Variants in KLF5 observed in about 807,000 individuals in gnomAD.
KLF5 encodes the protein KLF transcription factor 5.
KLF5 carries 9 observed loss-of-function variants against 36.9 expected under a neutral mutation model. That is an observed-to-expected ratio of 0.24 (90% CI 0.15 to 0.43). The LOEUF is 0.43. KLF5 is among the 20% of genes least tolerant of loss of function. KLF5 has a pLI of 1.00. For missense variants in KLF5, 524 were observed against 599.5 expected, an observed-to-expected ratio of 0.87 and a Z score of 1.31; for synonymous variants, 246 against 241.7, an observed-to-expected ratio of 1.02 and a Z score of -0.17.
Position 73,067,714 on chromosome 13 carries a change from C to CG in KLF5, c.1195+3831_1195+3832insG, listed in dbSNP as rs528555006. ...AGACCCAGACTCCATGCATTGGACT[C>CG]TGTGTGTACTAAGTGATCCCAGAGT... is the stretch of plus-strand genomic sequence containing the variant. On this transcript the variant is annotated intron_variant, in intron 3 of 3. Coordinates refer to ENST00000377687, the MANE Select transcript of KLF5 (RefSeq NM_001730.5). Among the ~76,000 whole-genome samples, 584 of 152,242 alleles carry CG rather than the reference C, an allele frequency of 3.8e-3. 4 individuals are homozygous for CG. The highest frequency in any genetic ancestry group is 7.0e-3 in the Non-Finnish European group (477 of 68,024).
intron 1 of KLF5, among the ~76,000 whole-genome samples, chr13:73,060,944 C>T (rs2044630453): frequency 6.6e-6 from 1 of 152,080 alleles, no homozygotes; most frequent in East Asian, 1.9e-4. Context: ...ATTTTCTGCT[C>T]TGGAGGCACT....
chr13:73,068,885 C>T lies in KLF5; in HGVS notation c.1195+5002C>T, dbSNP rs1038979844. 3.3e-5 allele frequency among the ~76,000 whole-genome samples: 5 copies of T among 150,008 alleles called. No homozygotes were observed. In the East Asian group the frequency reaches 1.0e-3, roughly 30 times the overall value. On this transcript the variant is annotated intron_variant, in intron 3 of 3. Coordinates refer to ENST00000377687, the MANE Select transcript of KLF5 (RefSeq NM_001730.5). ...CGGAGGCAGGTGGATCACCTGAGTT[C>T]AGGGGTTCGAGACCAGCCTGGCCAA...
intron 3 of KLF5, 40 bp from the exon 4 acceptor site, chr13:73,075,668 T>C: frequency 6.6e-7 from 1 of 1,524,950 alleles, no homozygotes; most frequent in Non-Finnish European, 9.0e-7. Flanking sequence ...ATGTTTGCAT[T>C]ACAAGCAGGC....
intron 3 of KLF5, among the ~76,000 whole-genome samples, chr13:73,072,662 C>T (rs1302263882): frequency 2.0e-5 from 3 of 152,136 alleles, no homozygotes; most frequent in South Asian, 2.1e-4. Flanking sequence ...TCTAACTCTA[C>T]GGGGTTATTG....
At position 73,061,913 on chromosome 13, in the gene KLF5, T is replaced by C. The variant is rs1347341273; in HGVS notation, c.314T>C (p.Ile105Thr). 23 of 1,613,982 alleles carry C rather than the reference T, an allele frequency of 1.4e-5. No individual in the cohort carries two copies. The highest frequency in any genetic ancestry group is 1.9e-5 in the Non-Finnish European group (23 of 1,179,944). ...YLTPQLPPVPIIPEHKKYRRD... is the reference protein window; with the variant it reads ...YLTPQLPPVPTIPEHKKYRRD... ...ACACCTCAGCTTCCTCCAGTTCCTA[T>C]AATTCCAGAGCATAAAAAGTATAGA... Residue 105 changes from isoleucine to threonine, a missense_variant, in exon 2 of 4, where the codon ATA becomes ACA. Physicochemically the swap from Ile to Thr is moderately conservative, Grantham distance 89. This residue lies in a region of KLF5 where 454 missense variants were observed against 458.1 expected (regional missense o/e 0.99). Transcript: ENST00000377687.
In KLF5 at chr13:73,077,229, A is replaced by AT. The variant is rs1566568190; in HGVS notation, c.*1347dup. The AT allele has an allele frequency of 1.3e-5, 2 of 152,608 alleles. No homozygotes were observed. The highest frequency in any genetic ancestry group is 4.8e-5 in the African/African-American group (2 of 41,446). 9.5% of individuals were successfully genotyped at this position (152,608 alleles called of 1,614,324 possible). On this transcript the variant is annotated 3_prime_UTR_variant, in exon 4 of 4. Coordinates refer to ENST00000377687, the MANE Select transcript of KLF5 (RefSeq NM_001730.5). ...ATATAGTAAGTTTTTTTAGAAGACA[A>AT]TTTTCATAACTTGATAAATTATAGT...
Position 73,076,952 on chromosome 13 carries a change from A to AT in KLF5, c.*1070dup, listed in dbSNP as rs1311505719. On this transcript the variant is annotated 3_prime_UTR_variant, in exon 4 of 4. Coordinates refer to ENST00000377687, the MANE Select transcript of KLF5 (RefSeq NM_001730.5). Reference sequence around the variant, plus strand: ...ATGTAATACACAGTGAGACACAGTAATTTTATCTAAATTACAGTGCAGTTT... The same window carrying AT: ...ATGTAATACACAGTGAGACACAGTAATTTTTATCTAAATTACAGTGCAGTTT... 6.6e-6 allele frequency: 1 copy of AT among 152,396 alleles called. No individual in the cohort carries two copies. The highest frequency in any genetic ancestry group is 1.5e-5 in the Non-Finnish European group (1 of 68,034). 9.4% of individuals were successfully genotyped at this position (152,396 alleles called of 1,614,324 possible). A position where few individuals can be genotyped will look rare whatever the true frequency, so the allele number is the denominator to read the frequency against.
chr13:73,065,596 A>G (rs1305035157), intron 3 of KLF5, among the ~76,000 whole-genome samples: 1 of 152,234 alleles, frequency 6.6e-6, no homozygotes, highest in African/African-American at 2.4e-5. Flanking sequence ...AGCATGTTAT[A>G]AAAACTCCAA....
intron 3 of KLF5, among the ~76,000 whole-genome samples, chr13:73,070,555 G>A (rs2044715757): frequency 6.6e-6 from 1 of 152,192 alleles, no homozygotes; most frequent in African/African-American, 2.4e-5. Context: ...TAGTTTAGGA[G>A]CCCAGAGATT....
chr13:73,065,732 T>C (rs970196956), intron 3 of KLF5, among the ~76,000 whole-genome samples: 1 of 152,210 alleles, frequency 6.6e-6, no homozygotes, highest in African/African-American at 2.4e-5. Flanking sequence ...TTTTCACTTT[T>C]GGAAGTCCTT....
At chr13:73,072,075 A>G (rs2044726053) in intron 3 of KLF5, among the ~76,000 whole-genome samples, 1 of 152,266 alleles carries the variant, frequency 6.6e-6, no homozygotes, top group Non-Finnish European at 1.5e-5. Flanking sequence ...CTATTTTAAG[A>G]TAAATATTTT....
At chr13:73,068,085 C>A (rs1024316026) in intron 3 of KLF5, among the ~76,000 whole-genome samples, 8 of 143,602 alleles carry the variant, frequency 5.6e-5, no homozygotes, top group Non-Finnish European at 1.0e-4. Context: ...AGATGATCCA[C>A]CCGCCCCAGC....
Position 73,059,511 on chromosome 13 carries a change from C to A in KLF5, c.184C>A (p.Pro62Thr). The A allele has an allele frequency of 1.7e-6, 2 of 1,207,938 alleles. No individual in the cohort carries two copies. The highest frequency in any genetic ancestry group is 2.0e-6 in the Non-Finnish European group (2 of 976,306). 74.8% of individuals were successfully genotyped at this position (1,207,938 alleles called of 1,614,324 possible). A position where few individuals can be genotyped will look rare whatever the true frequency, so the allele number is the denominator to read the frequency against. The change falls in exon 1 of 4, where the codon CCC (proline) becomes ACC (threonine). Residue 62 changes from proline to threonine, a missense_variant. By Grantham distance (38) the Pro-to-Thr change is conservative. This residue lies in a region of KLF5 where 454 missense variants were observed against 458.1 expected (regional missense o/e 0.99). Transcript: ENST00000377687. The stretch of plus-strand genomic sequence containing the variant: ...CGCGCACCACCGCCCGCAGGCGCAG[C>A]CCGCGCCCGCGCAGGCCCCGCAGCC... ...KHAHHRPQAQ[P>T]APAQAPQPAQ...
chr13:73,055,796 T>C (rs936378569), upstream of KLF5, among the ~76,000 whole-genome samples: 1 of 152,314 alleles, frequency 6.6e-6, no homozygotes, highest in Middle Eastern at 3.4e-3. Context: ...CTTTTTTCTG[T>C]GGCCCAAGAT....
chr13:73,068,433 A>C (rs986018608), intron 3 of KLF5, among the ~76,000 whole-genome samples: 6 of 152,182 alleles, frequency 3.9e-5, no homozygotes, highest in African/African-American at 1.4e-4. Context: ...GGCCTGGCAC[A>C]GTGGCCCACA....
intron 1 of KLF5, chr13:73,060,481 T>G (rs1423519136): frequency 6.6e-6 from 1 of 152,168 alleles, no homozygotes; most frequent in African/African-American, 2.4e-5. Context: ...TCAAGACACT[T>G]CATTTAGTAG....
intron 3 of KLF5, among the ~76,000 whole-genome samples, chr13:73,067,760 T>C (rs986953090): frequency 1.3e-5 from 2 of 151,430 alleles, no homozygotes; most frequent in South Asian, 2.1e-4. Flanking sequence ...AGATTGACAA[T>C]GGAAAAGGAC....
intron 3 of KLF5, among the ~76,000 whole-genome samples, chr13:73,065,465 G>A (rs2044672252): frequency 6.6e-6 from 1 of 152,174 alleles, no homozygotes. Context: ...ATTTATCTAT[G>A]AAATGAGCGG....
intron 3 of KLF5, among the ~76,000 whole-genome samples, chr13:73,068,960 G>A (rs1231545747): frequency 6.6e-6 from 1 of 152,086 alleles, no homozygotes; most frequent in Non-Finnish European, 1.5e-5. Context: ...GCTGGGCATG[G>A]TGGCACATGC....
Sources: gnomAD v4.1 joint callset for allele counts (sites outside exome capture counted in the v4.1 genomes callset) on GRCh38, gnomAD v4.1.1 for gene constraint, gnomAD v4.1.1 regional missense constraint, MANE v1.5 for transcripts, NCBI Gene and HGNC (gene_info 2026-07-23, HGNC 2026-07-21) for gene names.